ASTN2: variants seen among roughly 807,000 people sequenced by gnomAD.
ASTN2 encodes astrotactin 2.
Under a neutral mutation model 139.8 loss-of-function variants are expected in ASTN2, and 54 were observed. That is an observed-to-expected ratio of 0.39 (90% CI 0.31 to 0.48). ASTN2 has a LOEUF of 0.48. ASTN2 is among the 20% of genes least tolerant of loss of function. The pLI, the probability that ASTN2 is intolerant of heterozygous loss-of-function variation, is 0.95. For synonymous variants in ASTN2, 756 were observed against 719.5 expected (o/e 1.05, Z -0.81); for missense variants, 1,565 against 1,725.1 (o/e 0.91, Z 1.64).
intron 16 of ASTN2, among the ~76,000 whole-genome samples, chr9:116,717,642 G>A (rs534713863): frequency 2.6e-5 from 4 of 152,256 alleles, no homozygotes; most frequent in African/African-American, 7.2e-5. Flanking sequence ...TTTCACCTAG[G>A]ATAAAATTAA....
intron 1 of ASTN2, among the ~76,000 whole-genome samples, chr9:117,318,914 G>A (rs1011466875): frequency 1.4e-4 from 21 of 152,288 alleles, no homozygotes; most frequent in African/African-American, 5.1e-4. Context: ...TGGTTCAGCC[G>A]CTCCTCTGAG....
intron 1 of ASTN2, among the ~76,000 whole-genome samples, chr9:117,321,193 G>A (rs908464472): frequency 9.2e-5 from 14 of 152,214 alleles, no homozygotes; most frequent in African/African-American, 1.7e-4. Flanking sequence ...GTCATACAGC[G>A]GGTGCTTAGT....
chr9:116,499,419 C>T (rs1263588737), intron 19 of ASTN2, among the ~76,000 whole-genome samples: 3 of 152,138 alleles, frequency 2.0e-5, no homozygotes, highest in Admixed American at 6.5e-5. Context: ...TTTGCTCATA[C>T]CCAATGTCTT....
intron 10 of ASTN2, among the ~76,000 whole-genome samples, chr9:116,954,589 A>G (rs1359175548): frequency 6.6e-6 from 1 of 152,224 alleles, no homozygotes; most frequent in Admixed American, 6.5e-5. Flanking sequence ...TAGCTTTGCC[A>G]TTACTGCAAG....
intron 2 of ASTN2, among the ~76,000 whole-genome samples, chr9:117,244,571 AAGGGAGGG>A (rs143689553): frequency 6.6e-4 from 67 of 101,934 alleles, no homozygotes; most frequent in African/African-American, 3.2e-3. Flanking sequence ...GGAAGGAAGG[AAGGGAGGG>A]AGGGAGGGAG....
intron 2 of ASTN2, among the ~76,000 whole-genome samples, chr9:117,279,901 C>T (rs1254585684): frequency 1.3e-5 from 2 of 152,160 alleles, no homozygotes; most frequent in African/African-American, 4.8e-5. Flanking sequence ...ACCATCTTCC[C>T]CTGTGCCTTC....
intron 2 of ASTN2, among the ~76,000 whole-genome samples, chr9:117,242,364 C>A (rs1366794487): frequency 6.6e-6 from 1 of 152,074 alleles, no homozygotes. Flanking sequence ...GAGTTTCTCC[C>A]TGTACCAAAT....
intron 1 of ASTN2, among the ~76,000 whole-genome samples, chr9:117,294,499 T>G (rs1279119683): frequency 6.6e-6 from 1 of 152,262 alleles, no homozygotes. Flanking sequence ...CATTATTCAT[T>G]TATTCATGCA....
chr9:116,544,163 T>C (rs1239493622), intron 19 of ASTN2, among the ~76,000 whole-genome samples: 1 of 152,172 alleles, frequency 6.6e-6, no homozygotes, highest in African/African-American at 2.4e-5. Flanking sequence ...ACTAGTATTC[T>C]ATGATGAATC....
At chr9:117,079,137 C>T (rs1828357160) in intron 5 of ASTN2, among the ~76,000 whole-genome samples, 3 of 152,200 alleles carry the variant, frequency 2.0e-5, no homozygotes, top group South Asian at 4.1e-4. Context: ...AGGAGGTTCA[C>T]TTGAGTCCAG....
At chr9:117,233,127 C>G (rs927137735) in intron 2 of ASTN2, among the ~76,000 whole-genome samples, 2 of 152,138 alleles carry the variant, frequency 1.3e-5, no homozygotes, top group Admixed American at 1.3e-4. Flanking sequence ...ATCCAGGGCT[C>G]TGTGTCCTTC....
intron 10 of ASTN2, among the ~76,000 whole-genome samples, chr9:116,972,557 T>TAGGTA (rs1380572677): frequency 3.9e-5 from 6 of 152,184 alleles, no homozygotes; most frequent in African/African-American, 1.4e-4. Context: ...CTTTAGTACA[T>TAGGTA]AACACTCCAC....
At chr9:117,163,868 T>C (rs889091377) in intron 3 of ASTN2, among the ~76,000 whole-genome samples, 12 of 152,132 alleles carry the variant, frequency 7.9e-5, no homozygotes, top group African/African-American at 2.9e-4. Context: ...TGATGTGTGA[T>C]TGCTACCAAT....
At chr9:116,645,828 T>G (rs538200437) in intron 17 of ASTN2, among the ~76,000 whole-genome samples, 4 of 152,324 alleles carry the variant, frequency 2.6e-5, no homozygotes, top group African/African-American at 9.6e-5. Flanking sequence ...CCATACAAAA[T>G]ATGAATCCTA....
At chr9:117,380,667 G>A (rs1050115205) in intron 1 of ASTN2, among the ~76,000 whole-genome samples, 3 of 151,822 alleles carry the variant, frequency 2.0e-5, no homozygotes, top group Non-Finnish European at 2.9e-5. Flanking sequence ...TTCTTTGACT[G>A]AAGTGATATA....
At chr9:116,653,548 T>C (rs757211594) in intron 16 of ASTN2, among the ~76,000 whole-genome samples, 10 of 152,200 alleles carry the variant, frequency 6.6e-5, no homozygotes, top group Admixed American at 6.5e-4. Context: ...TGGTAAAACA[T>C]GGTAATTTTA....
rs145607713 is a variant in ASTN2 at position 117,328,310 on chromosome 9, T to C, written c.443-36797A>G. ...TAAATTAGCACAGAGGAAGATAGTATAGAATGTGCAGAATCTCTCAGCCTA... is the reference window on the plus strand; with the variant it reads ...TAAATTAGCACAGAGGAAGATAGTACAGAATGTGCAGAATCTCTCAGCCTA... On this transcript the variant is annotated intron_variant, in intron 1 of 22. Coordinates refer to ENST00000313400, the MANE Select transcript of ASTN2 (RefSeq NM_001365068.1). Among the ~76,000 whole-genome samples the C allele has an allele frequency of 2.0e-4, 30 of 152,160 alleles. No homozygotes were observed. The East Asian group carries it at 3.7e-3, about 19-fold the overall frequency.
At chr9:116,675,231 A>T (rs756896879) in intron 16 of ASTN2, among the ~76,000 whole-genome samples, 2 of 152,178 alleles carry the variant, frequency 1.3e-5, no homozygotes, top group Non-Finnish European at 2.9e-5. Flanking sequence ...CAATGGAGAA[A>T]TAATCCTGGG....
intron 6 of ASTN2, among the ~76,000 whole-genome samples, chr9:117,034,525 A>G (rs749406110): frequency 6.6e-6 from 1 of 152,182 alleles, no homozygotes; most frequent in Non-Finnish European, 1.5e-5. Context: ...AATGATTCCA[A>G]GGAGTCTGAA....
Sources: gnomAD v4.1 joint callset for allele counts (sites outside exome capture counted in the v4.1 genomes callset) on GRCh38, gnomAD v4.1.1 for gene constraint, MANE v1.5 for transcripts, NCBI Gene and HGNC (gene_info 2026-07-23, HGNC 2026-07-21) for gene names.